The following FBXL7 variants were observed in gnomAD, a reference collection of about 807,000 sequenced individuals.
FBXL7 encodes the protein F-box/LRR-repeat protein 7.
Under a neutral mutation model 38.3 loss-of-function variants are expected in FBXL7, and 12 were observed. The ratio of observed to expected loss-of-function variants is 0.31; its 90% CI spans 0.20 to 0.51. FBXL7 has a LOEUF of 0.51. FBXL7 is among the 20% of genes least tolerant of loss of function. The probability of loss-of-function intolerance (pLI) is 0.98; values close to 1 mark genes in which losing one functional copy is unlikely to be tolerated. For missense variants in FBXL7, 567 were observed against 676.4 expected, an observed-to-expected ratio of 0.84 and a Z score of 1.79; for synonymous variants, 297 against 300.9, an observed-to-expected ratio of 0.99 and a Z score of 0.13.
chr5:15,881,860 G>T (rs1740466377), intron 2 of FBXL7, among the ~76,000 whole-genome samples: 1 of 152,094 alleles, frequency 6.6e-6, no homozygotes, highest in South Asian at 2.1e-4. Context: ...CCTGAGATTG[G>T]GTAATTTATA....
At chr5:15,662,856 T>A (rs1742134796) in intron 2 of FBXL7, among the ~76,000 whole-genome samples, 1 of 152,206 alleles carries the variant, frequency 6.6e-6, no homozygotes, top group East Asian at 1.9e-4. Context: ...TCCATTGGTC[T>A]GTGTGTCTGT....
At chr5:15,624,956 T>A (rs2914765) in intron 2 of FBXL7, among the ~76,000 whole-genome samples, 2 of 151,340 alleles carry the variant, frequency 1.3e-5, no homozygotes, top group African/African-American at 2.4e-5. Context: ...CTCTTGCCAC[T>A]TGATCTCTTT....
chr5:15,654,070 T>G (rs1188396137), intron 2 of FBXL7, among the ~76,000 whole-genome samples: 13 of 152,206 alleles, frequency 8.5e-5, no homozygotes, highest in Admixed American at 8.5e-4. Context: ...AAATGTCCAT[T>G]TAACTTTGTT....
At chr5:15,791,030 ACCT>A in intron 2 of FBXL7, among the ~76,000 whole-genome samples, 1 of 127,240 alleles carries the variant, frequency 7.9e-6, no homozygotes, top group South Asian at 2.8e-4. Context: ...AGCCAGGTAC[ACCT>A]GTTCTAGCCT....
chr5:15,885,813 ATCC>A lies in FBXL7; in HGVS notation c.128-42072_128-42070del, dbSNP rs1010246782. 1.2e-4 allele frequency among the ~76,000 whole-genome samples: 18 copies of A among 152,116 alleles called. 1 individual carries two copies. The highest frequency in any genetic ancestry group is 4.3e-4 in the African/African-American group (18 of 41,416). On this transcript the variant is annotated intron_variant, in intron 2 of 3. Coordinates refer to ENST00000504595, the MANE Select transcript of FBXL7 (RefSeq NM_012304.5). ...AGCCTCAATTTCCCAGGTTTAAGGA[ATCC>A]TCCTACCTCAGCCTCCTGAGTAGCT...
At chr5:15,578,838 A>G (rs575600498) in intron 1 of FBXL7, among the ~76,000 whole-genome samples, 1 of 152,330 alleles carries the variant, frequency 6.6e-6, no homozygotes, top group Admixed American at 6.5e-5. Context: ...TTAACTCGAG[A>G]TGGAATATCT....
At chr5:15,874,238 C>T (rs1214514590) in intron 2 of FBXL7, among the ~76,000 whole-genome samples, 1 of 152,156 alleles carries the variant, frequency 6.6e-6, no homozygotes, top group African/African-American at 2.4e-5. Context: ...GCTAAAAACA[C>T]ACAATAAACT....
intron 1 of FBXL7, among the ~76,000 whole-genome samples, chr5:15,568,814 C>G (rs1006943562): frequency 1.3e-5 from 2 of 152,042 alleles, no homozygotes; most frequent in Non-Finnish European, 2.9e-5. Flanking sequence ...ATATGGCTAG[C>G]CAGTTTTCCC....
In FBXL7 at chr5:15,730,547, T is replaced by C. The variant is rs563122401; in HGVS notation, c.127+114475T>C. On this transcript the variant is annotated intron_variant, in intron 2 of 3. Transcript: ENST00000504595. Reference sequence around the variant, plus strand: ...GATAAAAATTCAAAATATATTGTTTTATTTAAAGACTTAGAATTTCTGTCA... The same window carrying C: ...GATAAAAATTCAAAATATATTGTTTCATTTAAAGACTTAGAATTTCTGTCA... 2.0e-5 allele frequency among the ~76,000 whole-genome samples: 3 copies of C among 152,286 alleles called. No homozygotes were observed. The South Asian group carries it at 6.2e-4, about 32-fold the overall frequency.
intron 2 of FBXL7, among the ~76,000 whole-genome samples, chr5:15,658,430 A>G (rs1229093562): frequency 6.6e-6 from 1 of 152,140 alleles, no homozygotes; most frequent in East Asian, 1.9e-4. Context: ...TCGTGAGGGC[A>G]GTTTCCCCCA....
At chr5:15,917,301 G>A (rs561879451) in intron 2 of FBXL7, among the ~76,000 whole-genome samples, 55 of 152,160 alleles carry the variant, frequency 3.6e-4, no homozygotes, top group African/African-American at 1.2e-3. Context: ...TGGAAAACCA[G>A]TATCACTCGC....
intron 2 of FBXL7, among the ~76,000 whole-genome samples, chr5:15,655,096 C>T (rs931913307): frequency 6.6e-6 from 1 of 152,214 alleles, no homozygotes; most frequent in African/African-American, 2.4e-5. Flanking sequence ...CCAATCTCTG[C>T]ACACATCTTA....
At chr5:15,618,790 A>T (rs1740532075) in intron 2 of FBXL7, among the ~76,000 whole-genome samples, 2 of 152,136 alleles carry the variant, frequency 1.3e-5, no homozygotes, top group African/African-American at 4.8e-5. Flanking sequence ...ACCCCAAATT[A>T]CCAGCGGCCT....
chr5:15,760,778 G>A (rs568825748), intron 2 of FBXL7, among the ~76,000 whole-genome samples: 13 of 152,266 alleles, frequency 8.5e-5, no homozygotes, highest in Non-Finnish European at 1.5e-4. Flanking sequence ...GAATAGGATG[G>A]CAGAAGTAGT....
intron 1 of FBXL7, among the ~76,000 whole-genome samples, chr5:15,516,112 C>G (rs1043025347): frequency 6.6e-6 from 1 of 152,046 alleles, no homozygotes; most frequent in African/African-American, 2.4e-5. Flanking sequence ...TTTTGATACA[C>G]CGAGTACTTT....
chr5:15,757,528 T>G (rs2126693947), intron 2 of FBXL7, among the ~76,000 whole-genome samples: 1 of 151,614 alleles, frequency 6.6e-6, no homozygotes, highest in South Asian at 2.1e-4. Flanking sequence ...CTGTAGATTT[T>G]ATTTTCTCAG....
At chr5:15,646,800 A>G (rs957970592) in intron 2 of FBXL7, among the ~76,000 whole-genome samples, 1 of 152,232 alleles carries the variant, frequency 6.6e-6, no homozygotes, top group African/African-American at 2.4e-5. Flanking sequence ...AGAATGTGTT[A>G]TGGTGACAGT....
chr5:15,580,966 A>G (rs905971722), intron 1 of FBXL7, among the ~76,000 whole-genome samples: 2 of 152,134 alleles, frequency 1.3e-5, no homozygotes, highest in Non-Finnish European at 2.9e-5. Flanking sequence ...AGGGATTAGG[A>G]GTTACGCCAA....
chr5:15,580,316 C>T (rs1023733788), intron 1 of FBXL7, among the ~76,000 whole-genome samples: 1 of 152,066 alleles, frequency 6.6e-6, no homozygotes, highest in African/African-American at 2.4e-5. Context: ...TTGTTTAAGC[C>T]CCCCAGTCTA....
Sources: gnomAD v4.1 joint callset for allele counts (sites outside exome capture counted in the v4.1 genomes callset) on GRCh38, gnomAD v4.1.1 for gene constraint, MANE v1.5 for transcripts, NCBI Gene and HGNC (gene_info 2026-07-23, HGNC 2026-07-21) for gene names.